ATP10A: variants seen among roughly 807,000 people sequenced by gnomAD.
ATP10A encodes ATPase phospholipid transporting 10A (putative), also known as phospholipid-transporting ATPase VA.
In ATP10A, 111 loss-of-function variants were observed where a neutral mutation model predicts 147.8. That is an observed-to-expected ratio of 0.75 (90% CI 0.64 to 0.88). ATP10A has a LOEUF of 0.88. ATP10A is among the 40% of genes least tolerant of loss of function. ATP10A has a pLI of 0.00. For missense variants in ATP10A, 1,927 were observed against 1,959.0 expected (o/e 0.98, Z 0.31); for synonymous variants, 875 against 841.6 (o/e 1.04, Z -0.69).
chr15:25,863,468 G>A (rs1893871687), upstream of ATP10A, among the ~76,000 whole-genome samples: 1 of 152,186 alleles, frequency 6.6e-6, no homozygotes, highest in Non-Finnish European at 1.5e-5. Context: ...AAAAGCCCGA[G>A]CTGGAAACTT....
rs1899224045 is a variant in ATP10A at position 25,679,242 on chromosome 15, T to G, written c.*99A>C. 3 of 987,556 alleles carry G rather than the reference T, an allele frequency of 3.0e-6. No homozygotes were observed. The highest frequency in any genetic ancestry group is 3.9e-6 in the Non-Finnish European group (3 of 768,300). 61.2% of individuals were successfully genotyped at this position (987,556 alleles called of 1,614,324 possible). A position where few individuals can be genotyped will look rare whatever the true frequency, so the allele number is the denominator to read the frequency against. On this transcript the variant is annotated 3_prime_UTR_variant, in exon 21 of 21. Coordinates refer to ENST00000555815, the MANE Select transcript of ATP10A (RefSeq NM_024490.4). ...GTTTCCTGTATTAGCCTGGGAAACA[T>G]TTAGAAATACATCTCCCTAGAACTC...
Position 25,713,751 on chromosome 15 carries a change from G to T in ATP10A, c.2267C>A (p.Pro756Gln), listed in dbSNP as rs749423426. 1.9e-6 allele frequency: 3 copies of T among 1,613,916 alleles called. No individual in the cohort carries two copies. Among genetic ancestry groups the T allele is most frequent in the African/African-American group, 1.3e-5 (1 of 74,882 alleles). ...GTAGACGTTGATCTCATCGGTAAGCGGGTGCCGGATCACCACTGACATCCT... is the reference window on the plus strand; with the variant it reads ...GTAGACGTTGATCTCATCGGTAAGCTGGTGCCGGATCACCACTGACATCCT... Reference protein sequence around the residue: ...RKRMSVVIRHPLTDEINVYTK... With the variant: ...RKRMSVVIRHQLTDEINVYTK... The change falls in exon 10 of 21, where the codon CCG becomes CAG. Residue 756 changes from proline to glutamine, a missense_variant. Physicochemically the swap from Pro to Gln is moderately conservative, Grantham distance 76. Transcript: ENST00000555815.
intron 1 of ATP10A, among the ~76,000 whole-genome samples, chr15:25,808,622 G>A (rs948890159): frequency 2.0e-5 from 3 of 152,212 alleles, no homozygotes; most frequent in African/African-American, 7.2e-5. Flanking sequence ...AACCTCAGGT[G>A]ATCCACCCGC....
intron 2 of ATP10A, among the ~76,000 whole-genome samples, chr15:25,744,829 T>G (rs1183383534): frequency 2.6e-5 from 4 of 151,970 alleles, no homozygotes; most frequent in Non-Finnish European, 4.4e-5. Context: ...AAGTCTAACG[T>G]GTGTAATCAG....
intron 13 of ATP10A, among the ~76,000 whole-genome samples, chr15:25,701,192 G>C (rs1021055595): frequency 1.3e-5 from 2 of 152,224 alleles, no homozygotes; most frequent in Non-Finnish European, 1.5e-5. Context: ...ATGAGTGGGG[G>C]CTGCTGCAAT....
At chr15:25,757,265 T>G (rs1368434343) in intron 2 of ATP10A, among the ~76,000 whole-genome samples, 2 of 152,138 alleles carry the variant, frequency 1.3e-5, no homozygotes, top group Non-Finnish European at 2.9e-5. Context: ...AGTTACATGT[T>G]TCTAGTAATT....
At chr15:25,719,296 C>A (rs1039194960) in intron 7 of ATP10A, among the ~76,000 whole-genome samples, 3 of 152,132 alleles carry the variant, frequency 2.0e-5, no homozygotes, top group African/African-American at 7.2e-5. Flanking sequence ...CTTAATAGAC[C>A]CTCTGTGAGA....
At chr15:25,832,617 C>T (rs897045293) in intron 1 of ATP10A, among the ~76,000 whole-genome samples, 2 of 150,322 alleles carry the variant, frequency 1.3e-5, no homozygotes, top group African/African-American at 2.5e-5. Context: ...TGCTTTCGTG[C>T]GCTATATGTG....
intron 1 of ATP10A, among the ~76,000 whole-genome samples, chr15:25,799,531 A>C (rs1890839118): frequency 6.6e-6 from 1 of 152,216 alleles, no homozygotes; most frequent in Non-Finnish European, 1.5e-5. Context: ...CAGACAAAAA[A>C]ACAAAGTTAA....
chr15:25,699,778 G>A (rs1379513752), intron 13 of ATP10A, among the ~76,000 whole-genome samples: 1 of 152,150 alleles, frequency 6.6e-6, no homozygotes, highest in Non-Finnish European at 1.5e-5. Flanking sequence ...TGAGGCAGGA[G>A]GATCCCTTGA....
At chr15:25,751,205 G>T (rs1053072766) in intron 2 of ATP10A, among the ~76,000 whole-genome samples, 5 of 152,086 alleles carry the variant, frequency 3.3e-5, no homozygotes, top group African/African-American at 4.8e-5. Flanking sequence ...TCAAAGCAGA[G>T]AATATTGCCA....
chr15:25,832,959 C>T (rs1364455170), intron 1 of ATP10A, among the ~76,000 whole-genome samples: 1 of 149,556 alleles, frequency 6.7e-6, no homozygotes, highest in Non-Finnish European at 1.5e-5. Flanking sequence ...GTGTCAATTA[C>T]ATTTTTTTAA....
At chr15:25,740,542 C>T (rs763112234) in intron 2 of ATP10A, among the ~76,000 whole-genome samples, 7 of 152,246 alleles carry the variant, frequency 4.6e-5, no homozygotes, top group African/African-American at 9.6e-5. Flanking sequence ...CACACACTCC[C>T]GTCTTCTGCA....
chr15:25,722,989 G>T (rs1902333886), intron 6 of ATP10A, among the ~76,000 whole-genome samples: 3 of 152,174 alleles, frequency 2.0e-5, no homozygotes, highest in Admixed American at 2.0e-4. Flanking sequence ...ACTAAATCCT[G>T]GAGGAGAAAA....
intron 1 of ATP10A, among the ~76,000 whole-genome samples, chr15:25,851,069 A>C (rs1213185455): frequency 6.8e-6 from 1 of 146,094 alleles, no homozygotes; most frequent in African/African-American, 2.5e-5. Flanking sequence ...ACTCCGCCGA[A>C]CTTGGGGAGG....
chr15:25,799,593 G>A (rs1469886310), intron 1 of ATP10A, among the ~76,000 whole-genome samples: 1 of 152,130 alleles, frequency 6.6e-6, no homozygotes, highest in African/African-American at 2.4e-5. Flanking sequence ...TTCAAGACAG[G>A]CATGGAAGTG....
intron 16 of ATP10A, among the ~76,000 whole-genome samples, chr15:25,684,952 C>T (rs1899629938): frequency 6.6e-6 from 1 of 152,216 alleles, no homozygotes; most frequent in African/African-American, 2.4e-5. Flanking sequence ...TCCCTACATG[C>T]TGAAAACGAA....
chr15:25,801,953 C>T (rs763128483), intron 1 of ATP10A, among the ~76,000 whole-genome samples: 8 of 152,158 alleles, frequency 5.3e-5, no homozygotes, highest in African/African-American at 2.4e-5. Context: ...GTTCCAGAGC[C>T]GAGGATCTCA....
Position 25,784,921 on chromosome 15 carries a change from C to CAAA in ATP10A, c.450-3701_450-3699dup, listed in dbSNP as rs397972229. Among the ~76,000 whole-genome samples, 4 of 106,698 alleles carry CAAA rather than the reference C, an allele frequency of 3.7e-5. No homozygotes were observed. In the East Asian group the frequency reaches 1.1e-3, roughly 29 times the overall value. 70.0% of individuals were successfully genotyped at this position (106,698 alleles called of 152,430 possible). A position where few individuals can be genotyped will look rare whatever the true frequency, so the allele number is the denominator to read the frequency against. On this transcript the variant is annotated intron_variant, in intron 1 of 20. Coordinates refer to ENST00000555815, the MANE Select transcript of ATP10A (RefSeq NM_024490.4). Reference sequence around the variant, plus strand: ...TGGGTGACGGAGCGAGACCCCGTGTCAAAAAAAAAAAAAAGAAAAAGAAAA... The same window carrying CAAA: ...TGGGTGACGGAGCGAGACCCCGTGTCAAAAAAAAAAAAAAAAAGAAAAAGAAAA...
Sources: gnomAD v4.1 joint callset for allele counts (sites outside exome capture counted in the v4.1 genomes callset) on GRCh38, gnomAD v4.1.1 for gene constraint, MANE v1.5 for transcripts, NCBI Gene and HGNC (gene_info 2026-07-23, HGNC 2026-07-21) for gene names.